The following CSTPP1 variants were observed in gnomAD, a reference collection of about 807,000 sequenced individuals.
CSTPP1 encodes UPF0705 protein C11orf49.
the CSTPP1 span, among the ~76,000 whole-genome samples, chr11:47,114,633 G>T: frequency 6.6e-6 from 1 of 152,080 alleles, no homozygotes; most frequent in South Asian, 2.1e-4. Flanking sequence ...CTCTCTGTTT[G>T]TCTGTTATTG....
At chr11:47,031,767 G>T in the CSTPP1 span, among the ~76,000 whole-genome samples, 2 of 150,410 alleles carry the variant, frequency 1.3e-5, no homozygotes, top group East Asian at 1.9e-4. Flanking sequence ...TTGTATTAGG[G>T]TTCTCTAGAG....
chr11:46,998,711 C>T, the CSTPP1 span, among the ~76,000 whole-genome samples: 2 of 152,098 alleles, frequency 1.3e-5, no homozygotes, highest in African/African-American at 2.4e-5. Flanking sequence ...AAATCCTTCA[C>T]TTTCAGGCTT....
chr11:47,155,105 T>C, the CSTPP1 span: 1 of 1,045,812 alleles, frequency 9.6e-7, no homozygotes. Context: ...CCTTCCTCCC[T>C]CTCCCTCTCT....
At chr11:47,147,807 T>C in the CSTPP1 span, among the ~76,000 whole-genome samples, 1 of 152,194 alleles carries the variant, frequency 6.6e-6, no homozygotes, top group Non-Finnish European at 1.5e-5. Flanking sequence ...GCGTTCTCCA[T>C]AAAGATACTC....
chr11:47,029,501 T>G, the CSTPP1 span, among the ~76,000 whole-genome samples: 1 of 150,962 alleles, frequency 6.6e-6, no homozygotes, highest in African/African-American at 2.4e-5. Context: ...CCCAGCTACT[T>G]AAGAAGCTGA....
the CSTPP1 span, among the ~76,000 whole-genome samples, chr11:47,013,051 T>C: frequency 6.8e-6 from 1 of 147,282 alleles, no homozygotes; most frequent in Middle Eastern, 3.6e-3. Flanking sequence ...TGTTATTATA[T>C]AAATAATAAC....
the CSTPP1 span, chr11:46,987,574 GT>G: frequency 6.2e-6 from 2 of 325,138 alleles, no homozygotes; most frequent in East Asian, 1.0e-4. Flanking sequence ...ATTTCTGTAG[GT>G]TTCTCTTTTA....
At chr11:46,943,921 G>A in the CSTPP1 span, among the ~76,000 whole-genome samples, 83 of 152,122 alleles carry the variant, frequency 5.5e-4, no homozygotes, top group African/African-American at 1.9e-3. Flanking sequence ...CTCAGGAGGC[G>A]GAGGTGGGAG....
At chr11:47,047,417 GA>G in the CSTPP1 span, among the ~76,000 whole-genome samples, 98,171 of 151,510 alleles carry the variant, frequency 0.65, 32,164 homozygotes, top group Middle Eastern at 0.69. Context: ...AATAGATTAG[GA>G]AGCCCAGAAA....
the CSTPP1 span, chr11:47,161,066 G>A: frequency 6.2e-7 from 1 of 1,601,878 alleles, no homozygotes; most frequent in Non-Finnish European, 8.6e-7. Context: ...GGGCATGGAG[G>A]AATCTGTTGC....
At chr11:46,967,717 T>G in the CSTPP1 span, among the ~76,000 whole-genome samples, 7 of 151,806 alleles carry the variant, frequency 4.6e-5, no homozygotes, top group East Asian at 1.9e-4. Context: ...TTAGTAATTT[T>G]GGGTATATTT....
chr11:47,119,602 C>CTT, the CSTPP1 span, among the ~76,000 whole-genome samples: 9 of 61,896 alleles, frequency 1.5e-4, no homozygotes, highest in Admixed American at 2.1e-4. Context: ...CTGCCCACTT[C>CTT]TTTTTTTTTT....
the CSTPP1 span, among the ~76,000 whole-genome samples, chr11:47,055,643 T>C: frequency 2.0e-5 from 3 of 152,126 alleles, no homozygotes; most frequent in African/African-American, 4.8e-5. Context: ...AATAATGAAA[T>C]TGTGTAACTT....
the CSTPP1 span, among the ~76,000 whole-genome samples, chr11:47,060,023 G>T: frequency 6.6e-6 from 1 of 151,492 alleles, no homozygotes; most frequent in East Asian, 2.0e-4. Flanking sequence ...AGAATTGCTT[G>T]AGTCTGGGAG....
the CSTPP1 span, among the ~76,000 whole-genome samples, chr11:46,991,059 A>T: frequency 2.1e-3 from 326 of 152,322 alleles, no homozygotes; most frequent in Non-Finnish European, 3.0e-3. Flanking sequence ...TACATATGCC[A>T]TCACATATTT....
At chr11:47,038,310 C>A in the CSTPP1 span, among the ~76,000 whole-genome samples, 9 of 92,528 alleles carry the variant, frequency 9.7e-5, no homozygotes, top group Admixed American at 2.3e-4. Context: ...CCGGACGGGG[C>A]GGCTGGCCGG....
chr11:47,001,580 CATAGGTA>C, the CSTPP1 span, among the ~76,000 whole-genome samples: 1 of 151,440 alleles, frequency 6.6e-6, no homozygotes, highest in South Asian at 2.1e-4. Flanking sequence ...AGGTTTGTTA[CATAGGTA>C]ATAGTGCATA....
At chr11:46,972,671 G>T in the CSTPP1 span, among the ~76,000 whole-genome samples, 1 of 152,132 alleles carries the variant, frequency 6.6e-6, no homozygotes, top group Non-Finnish European at 1.5e-5. Flanking sequence ...CCTCTCATTT[G>T]TTCCTTTTCC....
chr11:46,968,440 A>G, the CSTPP1 span, among the ~76,000 whole-genome samples: 1 of 147,704 alleles, frequency 6.8e-6, no homozygotes, highest in Non-Finnish European at 1.5e-5. Context: ...ATATACATAT[A>G]TATGTTTATC....
Sources: gnomAD v4.1 joint callset for allele counts (sites outside exome capture counted in the v4.1 genomes callset) on GRCh38, gnomAD v4.1.1 for gene constraint, MANE v1.5 for transcripts, NCBI Gene and HGNC (gene_info 2026-07-23, HGNC 2026-07-21) for gene names.